Variants in DCLK1 observed in about 807,000 individuals in gnomAD.
DCLK1 encodes doublecortin like kinase 1, also known as serine/threonine-protein kinase DCLK1.
DCLK1 carries 16 observed loss-of-function variants against 86.2 expected under a neutral mutation model. The observed-to-expected ratio is 0.19, with a 90% confidence interval of 0.13 to 0.28. DCLK1 has a LOEUF of 0.28. Ranked by LOEUF, DCLK1 falls within the 10% of genes least tolerant of loss-of-function variation. The probability of loss-of-function intolerance (pLI) is 1.00; values close to 1 mark genes in which losing one functional copy is unlikely to be tolerated. For synonymous variants in DCLK1, 369 were observed against 370.5 expected (o/e 1.00, Z 0.05); for missense variants, 590 against 940.2 (o/e 0.63, Z 4.87).
intron 3 of DCLK1, among the ~76,000 whole-genome samples, chr13:36,098,421 T>C (rs942274000): frequency 1.3e-5 from 2 of 152,136 alleles, no homozygotes; most frequent in African/African-American, 4.8e-5. Flanking sequence ...ATAAGGCAAA[T>C]AGGACAAACG....
chr13:35,794,219 GA>G (rs2086761224), intron 15 of DCLK1, among the ~76,000 whole-genome samples: 1 of 152,178 alleles, frequency 6.6e-6, no homozygotes, highest in Non-Finnish European at 1.5e-5. Flanking sequence ...AGTTCATGAT[GA>G]AAAGGCTGCA....
Position 35,855,637 on chromosome 13 carries a change from A to G in DCLK1, c.941-1044T>C, listed in dbSNP as rs1871004914. 6 of 1,494,330 alleles carry G rather than the reference A, an allele frequency of 4.0e-6. No individual in the cohort carries two copies. In the Admixed American group the frequency reaches 1.2e-4, roughly 30 times the overall value. The allele number at this position is 1,494,330 out of a possible 1,614,324, so 92.6% of individuals were successfully genotyped here. ...CGGTTGGATGAGTTTAAGGATGGCT[A>G]AGGCTGCTCCCAGAGCAGGCTGAAT... On this transcript the variant is annotated intron_variant, in intron 5 of 16. Transcript: ENST00000360631.
rs770271304 is a variant in DCLK1, at chr13:36,125,778, C to T, written c.360G>A (p.Leu120=). The change falls in exon 2 of 17, where the codon CTG becomes CTA. Residue 120 remains leucine, a synonymous_variant. Transcript: ENST00000360631. ...TIDGLKKISS[L]DQLVEGESYV... ...AGCGCTCACCTTCCACCAGTTGGTC[C>T]AGGCTGGAAATCTTCTTGAGCCCAT... The T allele has an allele frequency of 6.2e-7, 1 of 1,613,580 alleles. No individual in the cohort carries two copies. Among genetic ancestry groups the T allele is most frequent in the South Asian group, 1.1e-5 (1 of 91,030 alleles).
rs185372257 is a variant in DCLK1 at position 35,816,080 on chromosome 13, C to T, written c.1555-5112G>A. ...TAAAAGGAGTTCTATGCAGCTGCAG[C>T]GAGATACACAAAACATGCACATTCC... On this transcript the variant is annotated intron_variant, in intron 11 of 16. Coordinates refer to ENST00000360631, the MANE Select transcript of DCLK1 (RefSeq NM_001330071.2). 3.4e-4 allele frequency among the ~76,000 whole-genome samples: 52 copies of T among 152,226 alleles called. No individual in the cohort carries two copies. The East Asian group carries it at 9.5e-3, about 28-fold the overall frequency.
intron 3 of DCLK1, among the ~76,000 whole-genome samples, chr13:35,964,031 A>T (rs1878598757): frequency 6.6e-6 from 1 of 152,232 alleles, no homozygotes; most frequent in Non-Finnish European, 1.5e-5. Flanking sequence ...AGGAAATAGT[A>T]GTTAAATTAT....
intron 4 of DCLK1, among the ~76,000 whole-genome samples, chr13:35,905,402 G>C (rs542273577): frequency 6.6e-6 from 1 of 152,320 alleles, no homozygotes; most frequent in East Asian, 1.9e-4. Flanking sequence ...GTTGAGGAAA[G>C]AGAAGATCCC....
At chr13:36,123,308 T>A (rs185576683) in intron 2 of DCLK1, among the ~76,000 whole-genome samples, 2,337 of 152,280 alleles carry the variant, frequency 0.015, 21 homozygotes, top group Non-Finnish European at 0.026. Flanking sequence ...AAACACTAAG[T>A]GCAGCTGCAT....
At chr13:35,895,167 G>C (rs920721331) in intron 4 of DCLK1, among the ~76,000 whole-genome samples, 2 of 152,058 alleles carry the variant, frequency 1.3e-5, no homozygotes, top group South Asian at 2.1e-4. Flanking sequence ...AGTCTCGAAC[G>C]ATCTCAAGCG....
At chr13:35,917,133 A>G (rs1260090640) in intron 4 of DCLK1, among the ~76,000 whole-genome samples, 2 of 152,144 alleles carry the variant, frequency 1.3e-5, no homozygotes, top group East Asian at 3.9e-4. Context: ...TCCACCCTTC[A>G]TCAAATCTAG....
chr13:35,981,873 T>C (rs61334833), intron 3 of DCLK1, among the ~76,000 whole-genome samples: 2,078 of 152,316 alleles, frequency 0.014, 39 homozygotes, highest in African/African-American at 0.047. Context: ...CACCCTCTTT[T>C]CCATGGTGGC....
chr13:35,815,193 C>T (rs1002738371), intron 11 of DCLK1, among the ~76,000 whole-genome samples: 4 of 152,074 alleles, frequency 2.6e-5, no homozygotes, highest in African/African-American at 9.7e-5. Context: ...ACTTACTGAA[C>T]AGTAGATCTT....
At chr13:35,934,635 C>T (rs562453043) in intron 4 of DCLK1, among the ~76,000 whole-genome samples, 3 of 152,224 alleles carry the variant, frequency 2.0e-5, no homozygotes, top group Admixed American at 2.0e-4. Context: ...TCACTGGGTC[C>T]CTCCCACAAC....
intron 3 of DCLK1, among the ~76,000 whole-genome samples, chr13:36,014,747 A>T (rs1432331695): frequency 6.6e-6 from 1 of 152,232 alleles, no homozygotes; most frequent in East Asian, 1.9e-4. Context: ...TAATCAAATT[A>T]TTCAGTATAT....
intron 4 of DCLK1, among the ~76,000 whole-genome samples, chr13:35,876,310 G>T (rs1288437478): frequency 1.3e-5 from 2 of 152,134 alleles, no homozygotes; most frequent in East Asian, 3.9e-4. Flanking sequence ...TCATATTGTG[G>T]ATTAGAATAA....
At chr13:36,025,014 C>G (rs1375736676) in intron 3 of DCLK1, among the ~76,000 whole-genome samples, 1 of 149,422 alleles carries the variant, frequency 6.7e-6, no homozygotes, top group Non-Finnish European at 1.5e-5. Context: ...GTTGCCCAGG[C>G]TGGAGTGCAA....
At chr13:35,883,861 G>A (rs1432378869) in intron 4 of DCLK1, among the ~76,000 whole-genome samples, 1 of 152,150 alleles carries the variant, frequency 6.6e-6, no homozygotes, top group Non-Finnish European at 1.5e-5. Flanking sequence ...ATGTACTGAC[G>A]AGTGAGTCCT....
At chr13:35,944,195 C>T (rs1593755661) in intron 4 of DCLK1, among the ~76,000 whole-genome samples, 1 of 152,266 alleles carries the variant, frequency 6.6e-6, no homozygotes, top group Non-Finnish European at 1.5e-5. Context: ...AGGAGATTTC[C>T]TAGCAGTAAT....
At chr13:36,082,109 A>G (rs1337711878) in intron 3 of DCLK1, among the ~76,000 whole-genome samples, 1 of 152,066 alleles carries the variant, frequency 6.6e-6, no homozygotes, top group Non-Finnish European at 1.5e-5. Flanking sequence ...ATTTTTTTCA[A>G]TAGAAATTAT....
chr13:35,785,293 C>T (rs1478764461), intron 16 of DCLK1, among the ~76,000 whole-genome samples: 5 of 152,120 alleles, frequency 3.3e-5, no homozygotes, highest in Admixed American at 6.5e-5. Context: ...TGTGTGACAG[C>T]GTCCCCTTTG....
Sources: allele counts gnomAD v4.1 joint callset (sites outside exome capture counted in the v4.1 genomes callset), GRCh38; gene constraint gnomAD v4.1.1; transcripts MANE v1.5; gene names NCBI Gene and HGNC (gene_info 2026-07-23, HGNC 2026-07-21).